Variants in LRP5 observed in about 807,000 individuals in gnomAD.
LRP5 encodes the protein LDL receptor related protein 5.
A neutral mutation model predicts 154.1 loss-of-function variants in LRP5; 62 were observed. The observed-to-expected ratio is 0.40, with a 90% CI of 0.33 to 0.50. LRP5 has a LOEUF of 0.50. Ranked by LOEUF, LRP5 falls within the 20% of genes least tolerant of loss-of-function variation. LRP5 has a pLI of 0.55. For synonymous variants in LRP5, 966 were observed against 1,011.5 expected (o/e 0.96, Z 0.85); for missense variants, 1,915 against 2,336.7 (o/e 0.82, Z 3.72).
chr11:68,407,139 A>T (rs538714840), intron 9 of LRP5, among the ~76,000 whole-genome samples: 1 of 150,958 alleles, frequency 6.6e-6, no homozygotes, highest in African/African-American at 2.4e-5. Flanking sequence ...TATAGTGCAA[A>T]TGTAAACATC....
In LRP5 at chr11:68,316,986, G is replaced by A. The variant is rs376763876; in HGVS notation, c.91+4181G>A. Among the ~76,000 whole-genome samples the A allele has an allele frequency of 4.7e-3, 717 of 152,342 alleles. 7 individuals carry two copies. The highest frequency in any genetic ancestry group is 0.036 in the South Asian group (172 of 4,828). The stretch of plus-strand genomic sequence containing the variant: ...TGTTGGGGAGGCCCTGGCGGGAGCC[G>A]GGGCTACATCCAGGTCCTCGGCTTG... On this transcript the variant is annotated intron_variant, in intron 1 of 22. Transcript: ENST00000294304.
chr11:68,397,621 G>T (rs190820510), intron 7 of LRP5, among the ~76,000 whole-genome samples: 52 of 150,736 alleles, frequency 3.4e-4, no homozygotes, highest in Admixed American at 8.6e-4. Flanking sequence ...GGGTCTGTGC[G>T]CTCGGTTGGC....
the LRP5 span, among the ~76,000 whole-genome samples, chr11:68,304,225 A>G: frequency 5.3e-5 from 8 of 152,254 alleles, no homozygotes; most frequent in Admixed American, 5.2e-4. Context: ...CCCTGCCTGC[A>G]TCTAGACTGT....
intron 1 of LRP5, among the ~76,000 whole-genome samples, chr11:68,313,813 T>G (rs563221488): frequency 1.3e-5 from 2 of 152,356 alleles, no homozygotes; most frequent in African/African-American, 4.8e-5. Flanking sequence ...GGCCCCTTTG[T>G]CTGGGCCTCC....
chr11:68,392,230 G>A (rs561775761), intron 7 of LRP5, among the ~76,000 whole-genome samples: 21 of 152,190 alleles, frequency 1.4e-4, no homozygotes, highest in African/African-American at 2.9e-4. Context: ...CAGGCTGGGC[G>A]TGGTGGCTTA....
At position 68,338,446 on chromosome 11, in the gene LRP5, A is replaced by G. The variant is rs186374040; in HGVS notation, c.92-9401A>G. Among the ~76,000 whole-genome samples, 13 of 152,324 alleles carry G rather than the reference A, an allele frequency of 8.5e-5. No homozygotes were observed. The East Asian group carries it at 1.7e-3, about 20-fold the overall frequency. ...GAGATTGTTGGCACTTGGGTTTTCA[A>G]ACTCCTGATTCTGCTCCGGGTAGGA... is the stretch of plus-strand genomic sequence containing the variant. On this transcript the variant is annotated intron_variant, in intron 1 of 22. Coordinates refer to ENST00000294304, the MANE Select transcript of LRP5 (RefSeq NM_002335.4).
chr11:68,420,948 C>T (rs376573298), intron 13 of LRP5, among the ~76,000 whole-genome samples: 33 of 151,846 alleles, frequency 2.2e-4, no homozygotes, highest in East Asian at 1.4e-3. Flanking sequence ...GCTCAGGGGC[C>T]GGGCGCGGTG....
At chr11:68,365,946 T>G (rs2098630829) in intron 5 of LRP5, among the ~76,000 whole-genome samples, 2 of 152,156 alleles carry the variant, frequency 1.3e-5, no homozygotes, top group South Asian at 2.1e-4. Flanking sequence ...ATTTTCCACT[T>G]TTTTACTCTC....
chr11:68,437,662 G>T (rs2098675761), intron 19 of LRP5, among the ~76,000 whole-genome samples: 1 of 152,246 alleles, frequency 6.6e-6, no homozygotes, highest in South Asian at 2.1e-4. Flanking sequence ...CTGCAGTCGG[G>T]AGAGAAGTCT....
chr11:68,320,611 G>A (rs190877576), intron 1 of LRP5, among the ~76,000 whole-genome samples: 155 of 152,000 alleles, frequency 1.0e-3, no homozygotes, highest in African/African-American at 3.3e-3. Context: ...ACAGGCATGC[G>A]CCACCACGCC....
At chr11:68,315,607 T>C (rs1428728756) in intron 1 of LRP5, among the ~76,000 whole-genome samples, 1 of 152,248 alleles carries the variant, frequency 6.6e-6, no homozygotes, top group Non-Finnish European at 1.5e-5. Flanking sequence ...GGTATAATGC[T>C]GTTGCTGTTT....
At chr11:68,390,396 G>T (rs1238563067) in intron 7 of LRP5, among the ~76,000 whole-genome samples, 2 of 152,226 alleles carry the variant, frequency 1.3e-5, no homozygotes, top group Non-Finnish European at 2.9e-5. Flanking sequence ...CTTACTGTGA[G>T]ATTTAAATTA....
rs568463706 is a variant in LRP5 at position 68,446,083 on chromosome 11, G to GC, written c.4489-351dup. Among the ~76,000 whole-genome samples the GC allele has an allele frequency of 4.6e-5, 7 of 152,328 alleles. No individual in the cohort carries two copies. In the South Asian group the frequency reaches 1.5e-3, roughly 32 times the overall value. Reference sequence around the variant, plus strand: ...CTAACTGGTGTGGAGGACACTCAGGGCCTGTGGGGACATCTCCTACTGCTG... The same window carrying GC: ...CTAACTGGTGTGGAGGACACTCAGGGCCCTGTGGGGACATCTCCTACTGCTG... On this transcript the variant is annotated intron_variant, in intron 21 of 22. Coordinates refer to ENST00000294304, the MANE Select transcript of LRP5 (RefSeq NM_002335.4).
chr11:68,375,381 C>T (rs1475732635), intron 5 of LRP5, among the ~76,000 whole-genome samples: 5 of 152,228 alleles, frequency 3.3e-5, no homozygotes, highest in Admixed American at 3.3e-4. Flanking sequence ...TACCTTTTAC[C>T]GCCTATTCCA....
Position 68,429,660 on chromosome 11 carries a change from A to G in LRP5, c.3723A>G (p.Pro1241=), listed in dbSNP as rs139554243. 1.3e-3 allele frequency: 2,044 copies of G among 1,614,174 alleles called. 2 individuals are homozygous for G. Among genetic ancestry groups the G allele is most frequent in the Non-Finnish European group, 1.4e-3 (1,617 of 1,180,036 alleles). The change falls in exon 17 of 23, where the codon CCA becomes CCG. Residue 1241 remains proline, a synonymous_variant. Coordinates refer to ENST00000294304, the MANE Select transcript of LRP5 (RefSeq NM_002335.4). ...KGDGTPRCSC[P]VHLVLLQNLL... ...ATGGGACACCACGGTGCTCATGCCC[A>G]GTCCACCTCGTGCTCCTGCAGAACC...
chr11:68,431,231 CTTTTTTTT>C (rs34840282), intron 17 of LRP5, among the ~76,000 whole-genome samples: 127 of 92,974 alleles, frequency 1.4e-3, no homozygotes, highest in Non-Finnish European at 2.0e-3. Context: ...GCTGTGCACC[CTTTTTTTT>C]TTTTTTTTTT....
chr11:68,300,154 C>T, the LRP5 span, among the ~76,000 whole-genome samples: 1 of 149,044 alleles, frequency 6.7e-6, no homozygotes, highest in South Asian at 2.1e-4. Flanking sequence ...GTGCTGGGAG[C>T]CACCCCAAAG....
intron 21 of LRP5, 21 bp from the exon 22 acceptor site, chr11:68,446,415 C>G: frequency 6.4e-7 from 1 of 1,558,214 alleles, no homozygotes; most frequent in South Asian, 1.1e-5. Flanking sequence ...CTCTAAGTCA[C>G]CCTGGCTTGG....
At position 68,347,873 on chromosome 11, in the gene LRP5, C is replaced by A; in HGVS notation, c.118C>A (p.Arg40Ser). ...AASPLLLFAN[R>S]RDVRLVDAGG... The stretch of plus-strand genomic sequence containing the variant: ...CTCGCCGCTCCTGCTATTTGCCAAC[C>A]GCCGGGACGTACGGCTGGTGGACGC... The change falls in exon 2 of 23, where the codon CGC becomes AGC. Residue 40 changes from arginine to serine, a missense_variant. By Grantham distance (110) the Arg-to-Ser change is moderately radical (BLOSUM62 -1). Coordinates refer to ENST00000294304, the MANE Select transcript of LRP5 (RefSeq NM_002335.4). 6.2e-7 allele frequency: 1 copy of A among 1,613,648 alleles called. No individual in the cohort carries two copies. The highest frequency in any genetic ancestry group is 8.5e-7 in the Non-Finnish European group (1 of 1,180,034).
Sources: allele counts gnomAD v4.1 joint callset (sites outside exome capture counted in the v4.1 genomes callset), GRCh38; gene constraint gnomAD v4.1.1; transcripts MANE v1.5; gene names NCBI Gene and HGNC (gene_info 2026-07-23, HGNC 2026-07-21).